Variants in RBFOX1 observed in about 807,000 individuals in gnomAD.
RBFOX1 encodes the protein RNA binding fox-1 homolog 1.
RBFOX1 carries 8 observed loss-of-function variants against 57.7 expected under a neutral mutation model. That is an observed-to-expected ratio of 0.14 (90% CI 0.08 to 0.25). The LOEUF (loss-of-function observed/expected upper bound fraction) is 0.25. RBFOX1 is among the 10% of genes least tolerant of loss of function. The pLI, the probability that RBFOX1 is intolerant of heterozygous loss-of-function variation, is 1.00. For synonymous variants in RBFOX1, 326 were observed against 222.4 expected, an observed-to-expected ratio of 1.47 and a Z score of -4.15; for missense variants, 611 against 548.5, an observed-to-expected ratio of 1.11 and a Z score of -1.14.
intron 3 of RBFOX1, among the ~76,000 whole-genome samples, chr16:5,748,557 G>A (rs970177862): frequency 2.0e-5 from 3 of 151,862 alleles, no homozygotes; most frequent in African/African-American, 7.2e-5. Context: ...TGTGGGTGCT[G>A]TATTGGGTGC....
intron 3 of RBFOX1, among the ~76,000 whole-genome samples, chr16:6,865,347 T>A (rs950237660): frequency 6.6e-6 from 1 of 152,138 alleles, no homozygotes; most frequent in South Asian, 2.1e-4. Flanking sequence ...TTGAATAATA[T>A]GTGTTCATTG....
intron 4 of RBFOX1, among the ~76,000 whole-genome samples, chr16:7,412,454 T>C (rs2098438924): frequency 4.7e-5 from 7 of 148,560 alleles, no homozygotes; most frequent in South Asian, 2.1e-4. Flanking sequence ...AATTGTGGAG[T>C]ACATGGAAAT....
chr16:5,902,772 C>A (rs1329553170), intron 4 of RBFOX1, among the ~76,000 whole-genome samples: 1 of 152,134 alleles, frequency 6.6e-6, no homozygotes, highest in African/African-American at 2.4e-5. Context: ...ATCCACCCTC[C>A]TTTTTTTGAT....
intron 3 of RBFOX1, among the ~76,000 whole-genome samples, chr16:5,644,308 G>C (rs1290109498): frequency 1.3e-5 from 2 of 152,218 alleles, no homozygotes; most frequent in Non-Finnish European, 2.9e-5. Flanking sequence ...TTAGGGACTT[G>C]AATGGTGCCA....
At chr16:6,522,296 G>A (rs1000681863) in intron 2 of RBFOX1, among the ~76,000 whole-genome samples, 1 of 151,934 alleles carries the variant, frequency 6.6e-6, no homozygotes, top group Non-Finnish European at 1.5e-5. Context: ...TAATTCAGAA[G>A]TGATGGGAGG....
chr16:5,737,523 GAT>G lies in RBFOX1; in HGVS notation c.319-129779_319-129778del, dbSNP rs1491246481. Among the ~76,000 whole-genome samples the G allele has an allele frequency of 2.4e-3, 315 of 132,470 alleles. 1 individual carries two copies. Among genetic ancestry groups the G allele is most frequent in the African/African-American group, 8.4e-3 (294 of 34,996 alleles). The allele number at this position is 132,470 out of a possible 152,430, so 86.9% of individuals were successfully genotyped here. On this transcript the variant is annotated intron_variant, in intron 3 of 19. Transcript: ENST00000641259. ...ATAAAATTAAAACAAAAATATTCTG[GAT>G]TTTTTTTTTTTTTTTTTGCCTGTCC... is the stretch of plus-strand genomic sequence containing the variant.
intron 3 of RBFOX1, among the ~76,000 whole-genome samples, chr16:6,933,668 G>C (rs541019664): frequency 2.6e-5 from 4 of 152,212 alleles, no homozygotes; most frequent in Non-Finnish European, 5.9e-5. Context: ...AGTCAAGATC[G>C]TATGACTGCA....
rs2095421825 is a variant in RBFOX1 at position 7,275,427 on chromosome 16, T to C, written c.27+223329T>C. 3.3e-5 allele frequency among the ~76,000 whole-genome samples: 5 copies of C among 152,378 alleles called. 1 individual carries two copies. The South Asian group carries it at 1.0e-3, about 32-fold the overall frequency. ...TTTATCAAATATTTATCAGCAATGA[T>C]GATTCTCCAGACATTAACATAAGTA... On this transcript the variant is annotated intron_variant, in intron 4 of 15. Coordinates refer to ENST00000550418, the MANE Select transcript of RBFOX1 (RefSeq NM_018723.4).
chr16:7,199,830 G>T (rs948080888), intron 4 of RBFOX1, among the ~76,000 whole-genome samples: 1 of 152,162 alleles, frequency 6.6e-6, no homozygotes, highest in Admixed American at 6.5e-5. Context: ...AGGAGGTGGA[G>T]GTTGTAGTGA....
chr16:7,196,603 A>G (rs2086760854), intron 4 of RBFOX1, among the ~76,000 whole-genome samples: 1 of 152,192 alleles, frequency 6.6e-6, no homozygotes, highest in South Asian at 2.1e-4. Flanking sequence ...CGCATTTTTT[A>G]GAGGAAACCA....
chr16:6,955,916 G>T (rs972388606), intron 3 of RBFOX1, among the ~76,000 whole-genome samples: 2 of 152,174 alleles, frequency 1.3e-5, no homozygotes, highest in Non-Finnish European at 2.9e-5. Context: ...ATGTTGGTCA[G>T]GCTGGTCTCA....
chr16:6,128,340 A>C (rs894886773), intron 1 of RBFOX1, among the ~76,000 whole-genome samples: 2 of 152,188 alleles, frequency 1.3e-5, no homozygotes, highest in African/African-American at 4.8e-5. Flanking sequence ...CTCTAAGAAG[A>C]CTTCTGTGTC....
intron 1 of RBFOX1, among the ~76,000 whole-genome samples, chr16:6,122,809 TG>T (rs2096561453): frequency 7.3e-5 from 11 of 151,500 alleles, no homozygotes; most frequent in Middle Eastern, 3.4e-3. Flanking sequence ...TGTATGTGTG[TG>T]TGTGTGTGTG....
intron 4 of RBFOX1, among the ~76,000 whole-genome samples, chr16:7,431,642 G>A (rs796258312): frequency 6.6e-6 from 1 of 152,180 alleles, no homozygotes; most frequent in Admixed American, 6.5e-5. Context: ...TCACTGTCCA[G>A]TTTCAGAACA....
chr16:6,590,429 G>A (rs999213462), intron 2 of RBFOX1, among the ~76,000 whole-genome samples: 1 of 152,132 alleles, frequency 6.6e-6, no homozygotes, highest in African/African-American at 2.4e-5. Context: ...GTGTGTGTAG[G>A]TGGTATAGAA....
At chr16:6,147,674 C>T (rs555481230) in intron 1 of RBFOX1, among the ~76,000 whole-genome samples, 1 of 152,168 alleles carries the variant, frequency 6.6e-6, no homozygotes, top group African/African-American at 2.4e-5. Context: ...ATGGAAGGGA[C>T]ATCAGACTTA....
chr16:6,174,280 G>C (rs935354074), intron 1 of RBFOX1, among the ~76,000 whole-genome samples: 1 of 152,178 alleles, frequency 6.6e-6, no homozygotes, highest in Non-Finnish European at 1.5e-5. Context: ...AGAAAGCAAA[G>C]TGTGTGTCTC....
At chr16:6,809,309 T>C (rs2087801156) in intron 3 of RBFOX1, among the ~76,000 whole-genome samples, 1 of 152,216 alleles carries the variant, frequency 6.6e-6, no homozygotes, top group Non-Finnish European at 1.5e-5. Context: ...GCTGAAGTTT[T>C]TCTTTAACCA....
chr16:6,256,247 G>A (rs71386429), intron 1 of RBFOX1, among the ~76,000 whole-genome samples: 61,214 of 77,278 alleles, frequency 0.79, 26,109 homozygotes, highest in East Asian at 0.89. Context: ...ATATATATAT[G>A]TATATATATG....
Sources: gnomAD v4.1 joint callset for allele counts (sites outside exome capture counted in the v4.1 genomes callset) on GRCh38, gnomAD v4.1.1 for gene constraint, MANE v1.5 for transcripts, NCBI Gene and HGNC (gene_info 2026-07-23, HGNC 2026-07-21) for gene names.